Variants in SH3TC1 observed in about 807,000 individuals in gnomAD.
The protein encoded by SH3TC1 is SH3 domain and tetratricopeptide repeat-containing protein 1.
In SH3TC1, 135 loss-of-function variants were observed where a neutral mutation model predicts 117.3. The ratio of observed to expected loss-of-function variants is 1.15; its 90% CI spans 1.00 to 1.33. The LOEUF is 1.33. Ranked by LOEUF, SH3TC1 falls within the 40% of genes most tolerant of loss-of-function variation. SH3TC1 has a pLI of 0.00. For synonymous variants in SH3TC1, 898 were observed against 816.9 expected (o/e 1.10, Z -1.69); for missense variants, 2,092 against 1,794.3 (o/e 1.17, Z -3.00).
At chr4:8,216,845 G>A (rs567209707) in intron 6 of SH3TC1, 112 bp from the exon 7 acceptor site, 5 of 1,091,610 alleles carry the variant, frequency 4.6e-6, no homozygotes, top group Admixed American at 3.7e-5. Flanking sequence ...ACACTGGGGG[G>A]GCCGCTCCTG....
In SH3TC1 at chr4:8,205,361, G is replaced by A. The variant is rs1044158072; in HGVS notation, c.167G>A (p.Arg56Lys). The change falls in exon 2 of 18, where the codon AGA becomes AAA. Residue 56 changes from arginine (R) to lysine (K), a missense_variant. By Grantham distance (26) the Arg-to-Lys change is conservative. Coordinates refer to ENST00000245105, the MANE Select transcript of SH3TC1 (RefSeq NM_018986.5). The surrounding 1 kb of genome is among the most constrained non-coding windows in gnomAD (Gnocchi z 5.4). ...AGPEEAKAPVRGDEAPPARVA... is the reference protein window; with the variant it reads ...AGPEEAKAPVKGDEAPPARVA... The stretch of plus-strand genomic sequence containing the variant: ...CCCGAGGAGGCCAAGGCGCCAGTGA[G>A]AGGCGGTGAGTTCATTCCACCCTCA... 16 of 1,546,396 alleles carry A rather than the reference G, an allele frequency of 1.0e-5. No individual in the cohort carries two copies. Among genetic ancestry groups the A allele is most frequent in the Non-Finnish European group, 1.4e-5 (16 of 1,145,756 alleles).
Position 8,205,751 on chromosome 4 carries a change from G to A in SH3TC1, c.172+385G>A, listed in dbSNP as rs1718154400. 1.5e-6 allele frequency: 1 copy of A among 672,790 alleles called. No homozygotes were observed. The highest frequency in any genetic ancestry group is 1.8e-5 in the African/African-American group (1 of 56,452). The allele number at this position is 672,790 out of a possible 1,614,324, so 41.7% of individuals were successfully genotyped here. ...TCCTCGTTCTCCAGGAGGCACCCAA[G>A]GTGCAGAGAGGGAAGGGCCGGGCCA... On this transcript the variant is annotated intron_variant, in intron 2 of 17. Coordinates refer to ENST00000245105, the MANE Select transcript of SH3TC1 (RefSeq NM_018986.5). This position sits in a 1 kb window ranked among gnomAD's most constrained non-coding sequence, Gnocchi z 5.4.
At position 8,232,130 on chromosome 4, in the gene SH3TC1, G is replaced by A. The variant is rs777154699; in HGVS notation, c.3105G>A (p.Gln1035=). The change falls in exon 13 of 18, where the codon CAG becomes CAA. Residue 1035 remains glutamine (Q), a synonymous_variant. Transcript: ENST00000245105. ...LEGQLLETIS[Q]LYLSLGTERA... is the part of the protein sequence containing the mutation. ...GGCAGCTCCTGGAGACCATCAGCCA[G>A]CTCTACCTGTCCCTGGGCACCGAGC... 11 of 1,416,388 alleles carry A rather than the reference G, an allele frequency of 7.8e-6. No homozygotes were observed. The South Asian group carries it at 7.9e-5, about 10-fold the overall frequency. 87.7% of individuals were successfully genotyped at this position (1,416,388 alleles called of 1,614,324 possible).
chr4:8,238,284 A>C (rs547459391), intron 17 of SH3TC1, among the ~76,000 whole-genome samples: 67 of 152,292 alleles, frequency 4.4e-4, no homozygotes, highest in African/African-American at 1.5e-3. Flanking sequence ...GGGGCCCCAG[A>C]CAGCCAGGCT....
intron 16 of SH3TC1, chr4:8,236,696 T>C (rs1721851411): frequency 2.5e-6 from 1 of 402,724 alleles, no homozygotes; most frequent in African/African-American, 2.1e-5. Context: ...CCCTCTGCCT[T>C]CCAGACATGC....
chr4:8,206,065 A>G lies in SH3TC1; in HGVS notation c.172+699A>G, dbSNP rs1354338803. On this transcript the variant is annotated intron_variant, in intron 2 of 17. Coordinates refer to ENST00000245105, the MANE Select transcript of SH3TC1 (RefSeq NM_018986.5). This position sits in a 1 kb window ranked among gnomAD's most constrained non-coding sequence, Gnocchi z 5.5. ...CTGTCTTGGGACTCCAGGGCTTGGC[A>G]CATGGTAGGTGCTTCGTCACTGTTC... 4.5e-6 allele frequency: 1 copy of G among 221,596 alleles called. No homozygotes were observed. The highest frequency in any genetic ancestry group is 9.0e-6 in the Non-Finnish European group (1 of 111,652). 13.7% of individuals were successfully genotyped at this position (221,596 alleles called of 1,614,324 possible).
intron 17 of SH3TC1, among the ~76,000 whole-genome samples, chr4:8,239,177 A>T (rs972795053): frequency 7.9e-5 from 12 of 151,084 alleles, no homozygotes; most frequent in African/African-American, 3.0e-4. Context: ...GTCCTGGCTC[A>T]GCCTGCCACC....
upstream of SH3TC1, among the ~76,000 whole-genome samples, chr4:8,197,294 T>G (rs372389665): frequency 9.2e-5 from 14 of 152,220 alleles, no homozygotes; most frequent in South Asian, 1.2e-3. Context: ...ACAGCTTGAT[T>G]TTGGACTTTT....
rs1298599231 is a variant in SH3TC1, at chr4:8,192,031, C to T, written c.-57+9821C>T. On this transcript the variant is annotated intron_variant, in intron 1 of 16. Coordinates refer to the SH3TC1 transcript ENST00000508641. This position sits in a 1 kb window ranked among gnomAD's most constrained non-coding sequence, Gnocchi z 4.1. The stretch of plus-strand genomic sequence containing the variant: ...TTGAGACGGAGTCTTGCTCTGTCAC[C>T]CAGGCTGGAGTGCAATGGCGCGATC... 1.3e-5 allele frequency among the ~76,000 whole-genome samples: 2 copies of T among 151,636 alleles called. No individual in the cohort carries two copies. Among genetic ancestry groups the T allele is most frequent in the African/African-American group, 4.9e-5 (2 of 41,166 alleles).
At chr4:8,185,015 G>A (rs182633478) in intron 1 of SH3TC1, among the ~76,000 whole-genome samples, 134 of 148,032 alleles carry the variant, frequency 9.1e-4, no homozygotes, top group African/African-American at 3.2e-3. Flanking sequence ...GCCTAGGTTT[G>A]TTCTTTTTTT....
In SH3TC1 at chr4:8,216,031, C is replaced by G. The variant is rs377378834; in HGVS notation, c.482-80C>G. ...TGGACCTGGTCAGTGCAGGGCTCAG[C>G]CGACCTGGGACCACACAGGCTTCCC... On this transcript the variant is annotated intron_variant, in intron 5 of 17. Coordinates refer to ENST00000245105, the MANE Select transcript of SH3TC1 (RefSeq NM_018986.5). 2.3e-4 allele frequency: 360 copies of G among 1,544,718 alleles called. 3 individuals are homozygous for G. The African/African-American group carries it at 4.6e-3, about 20-fold the overall frequency.
chr4:8,208,361 ATTTC>A (rs1477682862), intron 2 of SH3TC1, among the ~76,000 whole-genome samples: 2 of 129,942 alleles, frequency 1.5e-5, no homozygotes, highest in African/African-American at 5.6e-5. Context: ...CATTTGAAAC[ATTTC>A]TTTCTTTTTT....
intron 1 of SH3TC1, among the ~76,000 whole-genome samples, chr4:8,200,189 G>A (rs73077994): frequency 0.12 from 18,391 of 152,268 alleles, 1,295 homozygotes; most frequent in African/African-American, 0.14. Flanking sequence ...CCAGGGCCAG[G>A]GGCAGCCTGC....
chr4:8,187,183 C>T (rs1227539834), intron 1 of SH3TC1, among the ~76,000 whole-genome samples: 7 of 152,188 alleles, frequency 4.6e-5, no homozygotes, highest in African/African-American at 9.7e-5. Flanking sequence ...ATTTGTCTGA[C>T]GTGTTTCTCA....
chr4:8,196,131 G>C (rs56133518), upstream of SH3TC1, among the ~76,000 whole-genome samples: 21,127 of 152,266 alleles, frequency 0.14, 1,711 homozygotes, highest in African/African-American at 0.19. The surrounding 1 kb of genome is among the most constrained non-coding windows in gnomAD (Gnocchi z 4.6). Flanking sequence ...TGCAACTGAG[G>C]TGTGCACCTG....
chr4:8,240,347 C>T (rs1039883299), intron 17 of SH3TC1, among the ~76,000 whole-genome samples: 1 of 152,220 alleles, frequency 6.6e-6, no homozygotes, highest in Admixed American at 6.5e-5. Context: ...TCACTCAACA[C>T]TGTGCCCCTG....
At position 8,233,432 on chromosome 4, in the gene SH3TC1, G is replaced by A; in HGVS notation, c.3201G>A (p.Glu1067=). 1.2e-6 allele frequency: 2 copies of A among 1,614,002 alleles called. No homozygotes were observed. The highest frequency in any genetic ancestry group is 1.7e-6 in the Non-Finnish European group (2 of 1,179,934). The change falls in exon 14 of 18, where the codon GAG becomes GAA. Residue 1067 remains glutamate (E), a synonymous_variant. Coordinates refer to ENST00000245105, the MANE Select transcript of SH3TC1 (RefSeq NM_018986.5). ...TTTTCATTGACCTCCAGAAGAAAGA[G>A]AAGGAGGCGCATGCCTGGCTGCAAG... ...LGIFIDLQKK[E]KEAHAWLQAG...
At chr4:8,232,904 G>C (rs1386256646) in intron 13 of SH3TC1, 35 of 1,201,390 alleles carry the variant, frequency 2.9e-5, no homozygotes, top group Non-Finnish European at 3.6e-5. Context: ...TCACCTAGGA[G>C]CTTGTGGCAA....
Position 8,205,108 on chromosome 4 carries a change from A to G in SH3TC1, c.-28-59A>G. The stretch of plus-strand genomic sequence containing the variant: ...CTTTCTGGACCCCAGGCCTGGACAC[A>G]ACCTCCGTGCTGGTTCTGGAGGGGC... On this transcript the variant is annotated intron_variant, in intron 1 of 17. Transcript: ENST00000245105. The surrounding 1 kb of genome is among the most constrained non-coding windows in gnomAD (Gnocchi z 5.4). 2 of 1,373,354 alleles carry G rather than the reference A, an allele frequency of 1.5e-6. No homozygotes were observed. The highest frequency in any genetic ancestry group is 1.9e-6 in the Non-Finnish European group (2 of 1,036,856). The allele number at this position is 1,373,354 out of a possible 1,614,324, so 85.1% of individuals were successfully genotyped here. A position where few individuals can be genotyped will look rare whatever the true frequency, so the allele number is the denominator to read the frequency against.
Sources: gnomAD v4.1 joint callset for allele counts (sites outside exome capture counted in the v4.1 genomes callset) on GRCh38, gnomAD v4.1.1 for gene constraint, Gnocchi (gnomAD v3.1) non-coding constraint, MANE v1.5 for transcripts, NCBI Gene and HGNC (gene_info 2026-07-23, HGNC 2026-07-21) for gene names.